The following CDIP1 variants were observed in gnomAD, a reference collection of about 807,000 sequenced individuals.
CDIP1 encodes cell death inducing p53 target 1, also known as cell death-inducing p53-target protein 1.
A neutral mutation model predicts 17.7 loss-of-function variants in CDIP1; 9 were observed. The ratio of observed to expected loss-of-function variants is 0.51; its 90% CI spans 0.31 to 0.89. CDIP1 has a LOEUF of 0.89. Among genes scored for constraint, CDIP1 ranks in the 40% least tolerant of loss-of-function variants. The pLI is 0.05. For synonymous variants in CDIP1, 117 were observed against 109.5 expected (o/e 1.07, Z -0.43); for missense variants, 263 against 277.9 (o/e 0.95, Z 0.38).
chr16:4,526,471 C>T (rs2059001717), intron 1 of CDIP1, among the ~76,000 whole-genome samples: 1 of 151,912 alleles, frequency 6.6e-6, no homozygotes. Flanking sequence ...GAGGCCAAGG[C>T]AGGCGGATCA....
intron 1 of CDIP1, among the ~76,000 whole-genome samples, chr16:4,530,511 T>C (rs1208631768): frequency 6.6e-6 from 1 of 151,588 alleles, no homozygotes; most frequent in East Asian, 1.9e-4. Context: ...TAGCCGGGCG[T>C]GGTGGCACAT....
intron 1 of CDIP1, among the ~76,000 whole-genome samples, chr16:4,531,236 G>T (rs1031404859): frequency 5.3e-5 from 8 of 151,958 alleles, no homozygotes; most frequent in Non-Finnish European, 4.4e-5. Flanking sequence ...CACCGTGTTA[G>T]CCAGGATGGT....
chr16:4,521,452 C>G (rs2058947013), intron 1 of CDIP1, among the ~76,000 whole-genome samples: 1 of 152,006 alleles, frequency 6.6e-6, no homozygotes, highest in South Asian at 2.1e-4. Context: ...CAAGAGTGGC[C>G]TGCAAGTCTT....
rs1344814839 is a variant in CDIP1 at position 4,511,941 on chromosome 16, T to G, written c.*631A>C. 6.5e-6 allele frequency: 1 copy of G among 154,420 alleles called. No homozygotes were observed. The highest frequency in any genetic ancestry group is 2.4e-5 in the African/African-American group (1 of 41,430). 9.6% of individuals were successfully genotyped at this position (154,420 alleles called of 1,614,324 possible). On this transcript the variant is annotated 3_prime_UTR_variant, in exon 6 of 6. Transcript: ENST00000567695. ...TCCTCTCTACCTGACACCAGGCAGC[T>G]CTCGGGCACTGGGACAGGGTATTAG...
intron 1 of CDIP1, among the ~76,000 whole-genome samples, chr16:4,520,849 G>C (rs955463598): frequency 3.3e-5 from 5 of 152,146 alleles, no homozygotes; most frequent in African/African-American, 1.2e-4. Context: ...ATCCAAATCT[G>C]AATAACCACG....
chr16:4,532,389 C>G (rs1295115279), intron 1 of CDIP1: 1 of 152,264 alleles, frequency 6.6e-6, no homozygotes, highest in Non-Finnish European at 1.5e-5. Context: ...GGGCCTGGCA[C>G]AGAACAAAGC....
intron 1 of CDIP1, among the ~76,000 whole-genome samples, chr16:4,520,374 A>G (rs985450784): frequency 6.6e-6 from 1 of 152,118 alleles, no homozygotes; most frequent in African/African-American, 2.4e-5. Flanking sequence ...AAGTGCTGGG[A>G]TTACAGGTGT....
intron 1 of CDIP1, among the ~76,000 whole-genome samples, chr16:4,516,541 C>T (rs534985019): frequency 5.3e-5 from 8 of 152,054 alleles, no homozygotes; most frequent in South Asian, 4.1e-4. Context: ...TTTGTAGAGA[C>T]GGGGGTCTCA....
rs369896796 is a variant in CDIP1 at position 4,514,113 on chromosome 16, G to T, written c.18C>A (p.Pro6=). The change falls in exon 3 of 6, where the codon CCC becomes CCA. Residue 6 remains proline (P), a synonymous_variant. Coordinates refer to ENST00000567695, the MANE Select transcript of CDIP1 (RefSeq NM_013399.3). This position sits in a 1 kb window ranked among gnomAD's most constrained non-coding sequence, Gnocchi z 5.2. MSSEP[P]PPYPGGPTAP... Reference sequence around the variant, plus strand: ...CTGTGGGGCCCCCAGGATAAGGAGGGGGAGGCTCGCTGGACATCTTCGCTG... The same window carrying T: ...CTGTGGGGCCCCCAGGATAAGGAGGTGGAGGCTCGCTGGACATCTTCGCTG... 2.6e-6 allele frequency: 4 copies of T among 1,546,680 alleles called. No individual in the cohort carries two copies. The highest frequency in any genetic ancestry group is 3.5e-6 in the Non-Finnish European group (4 of 1,157,040).
chr16:4,523,941 T>C (rs965728237), intron 1 of CDIP1: 9 of 152,284 alleles, frequency 5.9e-5, no homozygotes, highest in Middle Eastern at 3.2e-3. Context: ...AGCTGGACAG[T>C]GTCCCAGGCC....
intron 1 of CDIP1, among the ~76,000 whole-genome samples, chr16:4,517,806 G>C (rs965019276): frequency 2.0e-5 from 3 of 152,050 alleles, no homozygotes; most frequent in African/African-American, 7.2e-5. Flanking sequence ...TGGTCCTGGG[G>C]TCCCTTGCCC....
intron 1 of CDIP1, among the ~76,000 whole-genome samples, chr16:4,534,281 C>T (rs2059083372): frequency 6.6e-6 from 1 of 152,206 alleles, no homozygotes; most frequent in Non-Finnish European, 1.5e-5. Context: ...CCAAAGGCCA[C>T]TGCCCAGGGT....
Position 4,513,621 on chromosome 16 carries a change from A to T in CDIP1, c.241+75T>A. On this transcript the variant is annotated intron_variant, in intron 4 of 5. Transcript: ENST00000567695. The surrounding 1 kb of genome is among the most constrained non-coding windows in gnomAD (Gnocchi z 4.1). ...TGCCCTACAGCAGATGCCCACCTGT[A>T]CTGAGGACAGCCAGCGCAGGCCAGA... 7.4e-7 allele frequency: 1 copy of T among 1,354,380 alleles called. No individual in the cohort carries two copies. The highest frequency in any genetic ancestry group is 1.3e-5 in the South Asian group (1 of 79,314). 83.9% of individuals were successfully genotyped at this position (1,354,380 alleles called of 1,614,324 possible).
chr16:4,524,020 T>C (rs1351277031), intron 1 of CDIP1: 3 of 152,234 alleles, frequency 2.0e-5, no homozygotes, highest in Admixed American at 1.3e-4. Flanking sequence ...ATTGTGGCAC[T>C]TGGAAACAAA....
chr16:4,529,618 C>A (rs1054428000), intron 1 of CDIP1, among the ~76,000 whole-genome samples: 1 of 152,178 alleles, frequency 6.6e-6, no homozygotes, highest in South Asian at 2.1e-4. Context: ...AACTACAAGG[C>A]TGACTAATTT....
In CDIP1 at chr16:4,512,269, C is replaced by T; in HGVS notation, c.*303G>A. ...GTACCTTGTTTGGAAACAGAGGCAT[C>T]AGGACCCCAGCAGGAGACCCCTCCC... On this transcript the variant is annotated 3_prime_UTR_variant, in exon 6 of 6. Coordinates refer to ENST00000567695, the MANE Select transcript of CDIP1 (RefSeq NM_013399.3). This position sits in a 1 kb window ranked among gnomAD's most constrained non-coding sequence, Gnocchi z 4.6. The T allele has an allele frequency of 2.1e-6, 1 of 475,562 alleles. No homozygotes were observed. The allele number at this position is 475,562 out of a possible 1,614,324, so 29.5% of individuals were successfully genotyped here.
chr16:4,529,339 G>C (rs1366666628), intron 1 of CDIP1, among the ~76,000 whole-genome samples: 1 of 152,202 alleles, frequency 6.6e-6, no homozygotes. Context: ...AGTCCCCGTT[G>C]GATGCATAAT....
chr16:4,512,529 G>C lies in CDIP1; in HGVS notation c.*43C>G, dbSNP rs768987500. ...ACTGAGCACAGGGAGCAAAGCACAGGGGGCCAGACTGACAGGCGGGGGAGT... is the reference window on the plus strand; with the variant it reads ...ACTGAGCACAGGGAGCAAAGCACAGCGGGCCAGACTGACAGGCGGGGGAGT... On this transcript the variant is annotated 3_prime_UTR_variant, in exon 6 of 6. Transcript: ENST00000567695. The surrounding 1 kb of genome is among the most constrained non-coding windows in gnomAD (Gnocchi z 4.6). The C allele has an allele frequency of 4.9e-6, 7 of 1,421,336 alleles. No individual in the cohort carries two copies. The highest frequency in any genetic ancestry group is 1.4e-5 in the African/African-American group (1 of 71,140). The allele number at this position is 1,421,336 out of a possible 1,614,324, so 88.0% of individuals were successfully genotyped here. A position where few individuals can be genotyped will look rare whatever the true frequency, so the allele number is the denominator to read the frequency against.
chr16:4,513,560 C>T lies in CDIP1; in HGVS notation c.241+136G>A. 2.7e-6 allele frequency: 2 copies of T among 749,266 alleles called. No homozygotes were observed. Among genetic ancestry groups the T allele is most frequent in the Non-Finnish European group, 4.6e-6 (2 of 438,476 alleles). 46.4% of individuals were successfully genotyped at this position (749,266 alleles called of 1,614,324 possible). On this transcript the variant is annotated intron_variant, in intron 4 of 5. Coordinates refer to ENST00000567695, the MANE Select transcript of CDIP1 (RefSeq NM_013399.3). This position sits in a 1 kb window ranked among gnomAD's most constrained non-coding sequence, Gnocchi z 4.1. ...AGTCCCTGTCCACACACAGCCTGAG[C>T]CCTAGGCAAGGGCTGGTTGGGCGTG...
Sources: gnomAD v4.1 joint callset for allele counts (sites outside exome capture counted in the v4.1 genomes callset) on GRCh38, gnomAD v4.1.1 for gene constraint, Gnocchi (gnomAD v3.1) non-coding constraint, MANE v1.5 for transcripts, NCBI Gene and HGNC (gene_info 2026-07-23, HGNC 2026-07-21) for gene names.